Variants in RBMS2 observed in about 807,000 individuals in gnomAD.
RBMS2 encodes RNA-binding motif, single-stranded-interacting protein 2.
RBMS2 carries 38 observed loss-of-function variants against 58.4 expected under a neutral mutation model. That is an observed-to-expected ratio of 0.65 (90% CI 0.50 to 0.85). The LOEUF is 0.85. Ranked by LOEUF, RBMS2 falls within the 40% of genes least tolerant of loss-of-function variation. The pLI, the probability that RBMS2 is intolerant of heterozygous loss-of-function variation, is 0.00. For missense variants in RBMS2, 367 were observed against 503.7 expected, an observed-to-expected ratio of 0.73 and a Z score of 2.60; for synonymous variants, 151 against 180.7, an observed-to-expected ratio of 0.84 and a Z score of 1.32.
rs1234701195 is a variant in RBMS2, at chr12:56,588,292, A to G, written c.1063-2A>G. On this transcript the variant is annotated splice_acceptor_variant, in intron 11 of 13. Transcript: ENST00000262031. LOFTEE classifies it high-confidence loss of function. ...TAAGCCTGTTGATGTTTCTCTTTCT[A>G]GTATATGCCGACGGCTGCAGCTATG... 3 of 1,612,750 alleles carry G rather than the reference A, an allele frequency of 1.9e-6. No individual in the cohort carries two copies. The highest frequency in any genetic ancestry group is 2.5e-6 in the Non-Finnish European group (3 of 1,178,800).
At chr12:56,549,239 C>G (rs2136337920) in intron 1 of RBMS2, among the ~76,000 whole-genome samples, 1 of 152,262 alleles carries the variant, frequency 6.6e-6, no homozygotes, top group Non-Finnish European at 1.5e-5. Flanking sequence ...AAGCGATCCA[C>G]CTGCCTCTGC....
intron 1 of RBMS2, among the ~76,000 whole-genome samples, chr12:56,558,567 TC>T (rs1279553095): frequency 1.5e-3 from 175 of 115,440 alleles, no homozygotes; most frequent in African/African-American, 5.1e-3. Flanking sequence ...CTTCCTTCCT[TC>T]TTTCCTTCCT....
chr12:56,574,945 G>A (rs1037675401), intron 5 of RBMS2, among the ~76,000 whole-genome samples: 14 of 151,612 alleles, frequency 9.2e-5, no homozygotes, highest in Admixed American at 7.9e-4. Flanking sequence ...TCAGGAGATC[G>A]AGATCATCCT....
chr12:56,562,992 G>A (rs185470684), intron 2 of RBMS2, among the ~76,000 whole-genome samples: 9 of 152,144 alleles, frequency 5.9e-5, no homozygotes, highest in Admixed American at 2.0e-4. Context: ...GCATGGTGGC[G>A]GGTGCCTGTA....
At chr12:56,585,074 C>T (rs1468281533) in intron 9 of RBMS2, among the ~76,000 whole-genome samples, 7 of 152,248 alleles carry the variant, frequency 4.6e-5, no homozygotes, top group Admixed American at 2.6e-4. Flanking sequence ...CCACCCACCT[C>T]GGCCTCCCAA....
chr12:56,522,753 T>C (rs940182806), intron 1 of RBMS2, among the ~76,000 whole-genome samples: 13 of 152,168 alleles, frequency 8.5e-5, no homozygotes, highest in Admixed American at 2.6e-4. Context: ...CCTAGGAGTC[T>C]TTATGATTAA....
rs534115016 is a variant in RBMS2 at position 56,533,494 on chromosome 12, C to T, written c.66+11405C>T. 2.9e-5 allele frequency among the ~76,000 whole-genome samples: 4 copies of T among 140,234 alleles called. No homozygotes were observed. In the South Asian group the frequency reaches 9.9e-4, roughly 35 times the overall value. The allele number at this position is 140,234 out of a possible 152,430, so 92.0% of individuals were successfully genotyped here. A position where few individuals can be genotyped will look rare whatever the true frequency, so the allele number is the denominator to read the frequency against. ...GTAGTGGCGTGATCTCAACTCACTG[C>T]ATCTTCCACCTCCCGGGTTCAGGCA... On this transcript the variant is annotated intron_variant, in intron 1 of 13. Coordinates refer to ENST00000262031, the MANE Select transcript of RBMS2 (RefSeq NM_002898.4).
At chr12:56,543,840 G>A (rs1420445154) in intron 1 of RBMS2, among the ~76,000 whole-genome samples, 2 of 146,758 alleles carry the variant, frequency 1.4e-5, no homozygotes, top group African/African-American at 5.0e-5. Flanking sequence ...GCTAATTTTT[G>A]TATTTTTAGT....
intron 1 of RBMS2, among the ~76,000 whole-genome samples, chr12:56,557,628 A>G (rs1324852235): frequency 2.0e-5 from 3 of 152,118 alleles, no homozygotes; most frequent in Non-Finnish European, 4.4e-5. Context: ...CAGGCCTTGT[A>G]GTAAGTTTAT....
intron 5 of RBMS2, chr12:56,572,694 CCAGGGTCTTA>C (rs1351102147): frequency 5.3e-6 from 4 of 755,644 alleles, no homozygotes; most frequent in Non-Finnish European, 6.4e-6. Flanking sequence ...AATGATTTGC[CCAGGGTCTTA>C]CAGGAGTGGG....
chr12:56,523,368 A>G (rs968143172), intron 1 of RBMS2, among the ~76,000 whole-genome samples: 1 of 152,194 alleles, frequency 6.6e-6, no homozygotes, highest in African/African-American at 2.4e-5. Context: ...ACAAAAAGAA[A>G]CAAAAGGGAC....
At chr12:56,528,133 C>T (rs1873014354) in intron 1 of RBMS2, among the ~76,000 whole-genome samples, 1 of 151,872 alleles carries the variant, frequency 6.6e-6, no homozygotes. Context: ...CCTGTCGTTC[C>T]AGCTGCTCAG....
At chr12:56,587,262 C>T (rs1001113409) in intron 10 of RBMS2, among the ~76,000 whole-genome samples, 2 of 149,564 alleles carry the variant, frequency 1.3e-5, no homozygotes, top group Non-Finnish European at 3.0e-5. Context: ...AGTGAAACTC[C>T]GTCTCAAAAA....
chr12:56,569,072 T>C, intron 3 of RBMS2, 39 bp downstream of exon 3: 1 of 1,544,268 alleles, frequency 6.5e-7, no homozygotes, highest in South Asian at 1.1e-5. Context: ...AGAGCACCAG[T>C]AAGTGAGGCC....
intron 1 of RBMS2, among the ~76,000 whole-genome samples, chr12:56,538,957 A>G (rs1216696562): frequency 6.6e-6 from 1 of 151,624 alleles, no homozygotes; most frequent in Non-Finnish European, 1.5e-5. Context: ...TTAGAAATGG[A>G]ACAGTTTTAA....
In RBMS2 at chr12:56,593,471, T is replaced by G. The variant is rs1482094379; in HGVS notation, c.*4338T>G. The G allele has an allele frequency of 6.6e-6, 1 of 152,284 alleles. No homozygotes were observed. The highest frequency in any genetic ancestry group is 6.5e-5 in the Admixed American group (1 of 15,284). The allele number at this position is 152,284 out of a possible 1,614,324, so 9.4% of individuals were successfully genotyped here. On this transcript the variant is annotated 3_prime_UTR_variant, in exon 14 of 14. Coordinates refer to ENST00000262031, the MANE Select transcript of RBMS2 (RefSeq NM_002898.4). ...CTCGTCTCGAACTCCTGGGCTCAAA[T>G]GATCCACCCACCTCGGCCTCCCAAA...
At chr12:56,581,943 A>G in intron 8 of RBMS2, 64 bp downstream of exon 8, 1 of 1,585,130 alleles carries the variant, frequency 6.3e-7, no homozygotes, top group Non-Finnish European at 8.7e-7. Context: ...CACTCAAATG[A>G]TTCATCTTGA....
At chr12:56,564,115 TTTTTG>T (rs1880910311) in intron 2 of RBMS2, among the ~76,000 whole-genome samples, 2 of 151,700 alleles carry the variant, frequency 1.3e-5, no homozygotes, top group Non-Finnish European at 2.9e-5. Context: ...ATCGGGCTAA[TTTTTG>T]TTTTTTTTTT....
At chr12:56,551,290 T>G (rs1878233609) in intron 1 of RBMS2, among the ~76,000 whole-genome samples, 1 of 152,084 alleles carries the variant, frequency 6.6e-6, no homozygotes, top group South Asian at 2.1e-4. Context: ...CGGAAGTCAT[T>G]TGAATTAGTG....
Sources: gnomAD v4.1 joint callset for allele counts (sites outside exome capture counted in the v4.1 genomes callset) on GRCh38, gnomAD v4.1.1 for gene constraint, MANE v1.5 for transcripts, NCBI Gene and HGNC (gene_info 2026-07-23, HGNC 2026-07-21) for gene names.